CNTN3: variants seen among roughly 807,000 people sequenced by gnomAD.
The protein encoded by CNTN3 is contactin-3.
In CNTN3, 60 loss-of-function variants were observed where a neutral mutation model predicts 119.1. The observed-to-expected ratio is 0.50, with a 90% CI of 0.41 to 0.62. The LOEUF is 0.62. Among genes scored for constraint, CNTN3 ranks in the 20% least tolerant of loss-of-function variants. The pLI is 0.00. For missense variants in CNTN3, 1,101 were observed against 1,242.4 expected (o/e 0.89, Z 1.71); for synonymous variants, 450 against 438.7 (o/e 1.03, Z -0.32).
intron 4 of CNTN3, among the ~76,000 whole-genome samples, chr3:74,444,047 G>C (rs1009766463): frequency 1.3e-5 from 2 of 152,080 alleles, no homozygotes; most frequent in African/African-American, 4.8e-5. Flanking sequence ...AAACTTTGGT[G>C]TTCCTTGACT....
At chr3:74,518,828 T>C (rs1341670692) in intron 2 of CNTN3, among the ~76,000 whole-genome samples, 2 of 151,912 alleles carry the variant, frequency 1.3e-5, no homozygotes, top group Non-Finnish European at 2.9e-5. Flanking sequence ...AGTCTTAGGC[T>C]GTATTTGCAT....
intron 9 of CNTN3, 132 bp downstream of exon 9, chr3:74,365,434 G>A (rs1704165505): frequency 1.7e-6 from 2 of 1,168,522 alleles, no homozygotes; most frequent in Non-Finnish European, 2.5e-6. Flanking sequence ...CTGCTTAGAA[G>A]TAAAGGAAAG....
At chr3:74,479,710 G>A (rs1393994248) in intron 4 of CNTN3, among the ~76,000 whole-genome samples, 1 of 151,944 alleles carries the variant, frequency 6.6e-6, no homozygotes, top group Non-Finnish European at 1.5e-5. Flanking sequence ...GAGATTTGTA[G>A]GGGATCATTA....
chr3:74,306,714 G>A (rs964408178), intron 13 of CNTN3, among the ~76,000 whole-genome samples: 1 of 152,122 alleles, frequency 6.6e-6, no homozygotes, highest in African/African-American at 2.4e-5. Flanking sequence ...AGTATCTTAC[G>A]TAGGAGTGTA....
intron 1 of CNTN3, among the ~76,000 whole-genome samples, chr3:74,548,209 A>T (rs143547708): frequency 6.3e-4 from 96 of 152,326 alleles, no homozygotes; most frequent in African/African-American, 2.2e-3. Flanking sequence ...TTTTATGACA[A>T]ATCAGATGGA....
intron 13 of CNTN3, among the ~76,000 whole-genome samples, chr3:74,330,018 T>C (rs1020194726): frequency 6.6e-6 from 1 of 152,178 alleles, no homozygotes; most frequent in Non-Finnish European, 1.5e-5. Context: ...TAAGGACTTT[T>C]TGGTCAAGGA....
intron 4 of CNTN3, among the ~76,000 whole-genome samples, chr3:74,458,732 A>G (rs949611599): frequency 1.3e-5 from 2 of 152,102 alleles, no homozygotes; most frequent in Non-Finnish European, 2.9e-5. Flanking sequence ...AGAAAACATT[A>G]TGGGATGATG....
chr3:74,437,006 G>T (rs565751075), intron 4 of CNTN3, among the ~76,000 whole-genome samples: 2 of 152,020 alleles, frequency 1.3e-5, no homozygotes, highest in Non-Finnish European at 2.9e-5. Flanking sequence ...CTTGTTTATG[G>T]TATCTATATA....
intron 5 of CNTN3, among the ~76,000 whole-genome samples, chr3:74,412,946 AAAGG>A (rs1303228818): frequency 6.6e-6 from 1 of 152,206 alleles, no homozygotes; most frequent in African/African-American, 2.4e-5. Flanking sequence ...GGAAAAACTG[AAAGG>A]AAGACCACAA....
At chr3:74,555,386 T>C (rs1321415780) in intron 1 of CNTN3, among the ~76,000 whole-genome samples, 2 of 152,164 alleles carry the variant, frequency 1.3e-5, no homozygotes, top group African/African-American at 4.8e-5. Flanking sequence ...TTTTTTGTTG[T>C]GTATCTGTCA....
chr3:74,299,732 A>G (rs1020549506), intron 17 of CNTN3, 136 bp downstream of exon 17: 5 of 566,262 alleles, frequency 8.8e-6, no homozygotes, highest in African/African-American at 7.6e-5. Context: ...TATTACCACC[A>G]GCAGCAGCAG....
At chr3:74,345,271 T>C (rs572581196) in intron 11 of CNTN3, among the ~76,000 whole-genome samples, 34 of 151,958 alleles carry the variant, frequency 2.2e-4, no homozygotes, top group Non-Finnish European at 4.1e-4. Context: ...AAGCAGAGAG[T>C]TTATCACCAA....
chr3:74,569,032 C>A (rs906823992), intron 1 of CNTN3, among the ~76,000 whole-genome samples: 3 of 152,152 alleles, frequency 2.0e-5, no homozygotes, highest in African/African-American at 4.8e-5. Flanking sequence ...AAGAGCAGTG[C>A]TCTGGGAGGG....
intron 1 of CNTN3, among the ~76,000 whole-genome samples, chr3:74,583,155 C>G (rs1396623803): frequency 6.6e-6 from 1 of 152,052 alleles, no homozygotes; most frequent in Non-Finnish European, 1.5e-5. Context: ...TAGAGTGATT[C>G]AGGGCAGGGG....
intron 19 of CNTN3, among the ~76,000 whole-genome samples, chr3:74,287,781 A>G (rs1702142820): frequency 6.6e-6 from 1 of 152,044 alleles, no homozygotes; most frequent in Non-Finnish European, 1.5e-5. Flanking sequence ...GATATTTATT[A>G]CCCTGCATTC....
intron 4 of CNTN3, among the ~76,000 whole-genome samples, chr3:74,485,932 G>A (rs1028428321): frequency 2.0e-5 from 3 of 152,014 alleles, no homozygotes; most frequent in Non-Finnish European, 4.4e-5. Flanking sequence ...TAATTTGTGA[G>A]GTCATCTGTG....
At chr3:74,294,234 G>C (rs914272835) in intron 19 of CNTN3, among the ~76,000 whole-genome samples, 1 of 152,150 alleles carries the variant, frequency 6.6e-6, no homozygotes, top group Non-Finnish European at 1.5e-5. Context: ...CAATGTCATT[G>C]CTGGCAAAAT....
At chr3:74,358,593 T>TGATTTA (rs1553649313) in intron 11 of CNTN3, among the ~76,000 whole-genome samples, 1 of 98,662 alleles carries the variant, frequency 1.0e-5, no homozygotes, top group East Asian at 2.5e-4. Context: ...TTTTTTTTTT[T>TGATTTA]TTGATTTATT....
At chr3:74,269,091 T>C (rs1289920610) in intron 20 of CNTN3, among the ~76,000 whole-genome samples, 4 of 149,932 alleles carry the variant, frequency 2.7e-5, no homozygotes, top group East Asian at 3.9e-4. Flanking sequence ...AAAGAAATAA[T>C]AGGGTCTAAC....
Sources: gnomAD v4.1 joint callset for allele counts (sites outside exome capture counted in the v4.1 genomes callset) on GRCh38, gnomAD v4.1.1 for gene constraint, MANE v1.5 for transcripts, NCBI Gene and HGNC (gene_info 2026-07-23, HGNC 2026-07-21) for gene names.